Variants in NTNG2 observed in about 807,000 individuals in gnomAD.
NTNG2 encodes the protein netrin-G2.
In NTNG2, 15 loss-of-function variants were observed where a neutral mutation model predicts 47.6. The ratio of observed to expected loss-of-function variants is 0.32; its 90% CI spans 0.21 to 0.49. NTNG2 has a LOEUF of 0.49. Ranked by LOEUF, NTNG2 falls within the 20% of genes least tolerant of loss-of-function variation. NTNG2 has a pLI of 0.99. For synonymous variants in NTNG2, 307 were observed against 324.6 expected (o/e 0.95, Z 0.58); for missense variants, 578 against 764.6 (o/e 0.76, Z 2.88).
chr9:132,220,841 C>T (rs957378493), intron 3 of NTNG2, among the ~76,000 whole-genome samples: 9 of 152,258 alleles, frequency 5.9e-5, no homozygotes, highest in African/African-American at 2.2e-4. Context: ...CAACTTCATT[C>T]TTTTTACGTG....
intron 4 of NTNG2, among the ~76,000 whole-genome samples, chr9:132,229,004 C>T (rs1221158544): frequency 1.3e-5 from 2 of 152,080 alleles, no homozygotes; most frequent in Admixed American, 6.5e-5. Flanking sequence ...GTCTAGCCAG[C>T]GATGGATAGA....
At chr9:132,230,659 G>A (rs1211696658) in intron 5 of NTNG2, 64 bp downstream of exon 5, 8 of 1,555,720 alleles carry the variant, frequency 5.1e-6, no homozygotes, top group Non-Finnish European at 7.0e-6. Flanking sequence ...GCATGTCCTG[G>A]AAAAAGCTGG....
chr9:132,202,705 A>G (rs912816810), intron 3 of NTNG2, among the ~76,000 whole-genome samples: 1 of 152,208 alleles, frequency 6.6e-6, no homozygotes, highest in African/African-American at 2.4e-5. Flanking sequence ...CACAACCATT[A>G]AGAGAAGCGG....
chr9:132,178,623 G>A (rs980153821), intron 2 of NTNG2, among the ~76,000 whole-genome samples: 1 of 151,758 alleles, frequency 6.6e-6, no homozygotes, highest in Non-Finnish European at 1.5e-5. Context: ...AGGAAGTCCT[G>A]GGCTCCTGTG....
intron 2 of NTNG2, among the ~76,000 whole-genome samples, chr9:132,194,066 A>G (rs1316172402): frequency 6.6e-6 from 1 of 152,204 alleles, no homozygotes; most frequent in Non-Finnish European, 1.5e-5. Flanking sequence ...ATCTGTCTCC[A>G]AATACAGTCC....
At chr9:132,175,945 G>A (rs1319370417) in intron 2 of NTNG2, among the ~76,000 whole-genome samples, 1 of 152,170 alleles carries the variant, frequency 6.6e-6, no homozygotes, top group Non-Finnish European at 1.5e-5. Context: ...TGCAGACAGA[G>A]GGGTCCTAGA....
chr9:132,230,751 C>T (rs1441944226), intron 5 of NTNG2, among the ~76,000 whole-genome samples, 156 bp downstream of exon 5: 6 of 151,864 alleles, frequency 4.0e-5, no homozygotes, highest in Non-Finnish European at 8.8e-5. Flanking sequence ...TCTGCTTCTC[C>T]ACCTCTCCCC....
intron 2 of NTNG2, among the ~76,000 whole-genome samples, chr9:132,195,370 G>A (rs1323303126): frequency 2.0e-5 from 3 of 151,868 alleles, no homozygotes; most frequent in Admixed American, 6.6e-5. Flanking sequence ...GCGCAGTGGC[G>A]CGATCTCGGC....
chr9:132,180,190 A>T lies in NTNG2; in HGVS notation c.213+13146A>T, dbSNP rs1198314758. Among the ~76,000 whole-genome samples the T allele has an allele frequency of 2.6e-5, 4 of 152,218 alleles. No homozygotes were observed. The highest frequency in any genetic ancestry group is 9.6e-5 in the African/African-American group (4 of 41,462). On this transcript the variant is annotated intron_variant, in intron 2 of 7. Coordinates refer to ENST00000393229, the MANE Select transcript of NTNG2 (RefSeq NM_032536.4). This position sits in a 1 kb window ranked among gnomAD's most constrained non-coding sequence, Gnocchi z 4.2. ...ACTCCAAGAGTCGGCTGGGGAAATA[A>T]AAGGAAATGAAACACGACCAGGCAT...
At chr9:132,185,876 GGGA>G (rs894207036) in intron 2 of NTNG2, among the ~76,000 whole-genome samples, 8 of 147,174 alleles carry the variant, frequency 5.4e-5, no homozygotes, top group Non-Finnish European at 1.0e-4. Flanking sequence ...GAGGAGGAGT[GGGA>G]GGAGGAGGAG....
chr9:132,221,722 C>T lies in NTNG2; in HGVS notation c.858-5127C>T, dbSNP rs898328536. On this transcript the variant is annotated intron_variant, in intron 3 of 7. Coordinates refer to ENST00000393229, the MANE Select transcript of NTNG2 (RefSeq NM_032536.4). The surrounding 1 kb of genome is among the most constrained non-coding windows in gnomAD (Gnocchi z 4.2). The stretch of plus-strand genomic sequence containing the variant: ...CTGGGCAGAGCCAGCTGGGGAGGGA[C>T]GTCTGGATTTGGGTCAGGAGAAACC... 4.6e-5 allele frequency among the ~76,000 whole-genome samples: 7 copies of T among 152,148 alleles called. No homozygotes were observed. Among genetic ancestry groups the T allele is most frequent in the African/African-American group, 1.2e-4 (5 of 41,414 alleles).
At chr9:132,191,178 A>T (rs762834902) in intron 2 of NTNG2, among the ~76,000 whole-genome samples, 8 of 152,176 alleles carry the variant, frequency 5.3e-5, no homozygotes, top group Non-Finnish European at 1.2e-4. Context: ...CACTCAGTGA[A>T]TGTTACAATC....
intron 2 of NTNG2, among the ~76,000 whole-genome samples, chr9:132,177,989 T>C (rs879386687): frequency 6.6e-5 from 10 of 152,206 alleles, no homozygotes; most frequent in Non-Finnish European, 1.5e-4. Context: ...TCAAGCATTC[T>C]ATGTGCACTA....
At position 132,162,555 on chromosome 9, in the gene NTNG2, T is replaced by TGTGTGTGTGTGA. The variant is rs112179857; in HGVS notation, c.-484+317_-484+318insTGTGTGTGTGAG. 4.3e-5 allele frequency among the ~76,000 whole-genome samples: 6 copies of TGTGTGTGTGTGA among 139,374 alleles called. No individual in the cohort carries two copies. The highest frequency in any genetic ancestry group is 1.4e-4 in the Admixed American group (2 of 14,158). The allele number at this position is 139,374 out of a possible 152,430, so 91.4% of individuals were successfully genotyped here. On this transcript the variant is annotated intron_variant, in intron 1 of 7. Coordinates refer to ENST00000393229, the MANE Select transcript of NTNG2 (RefSeq NM_032536.4). This position sits in a 1 kb window ranked among gnomAD's most constrained non-coding sequence, Gnocchi z 4.6. ...GTGAGAGTGTGTGTGTGTGTGTGTG[T>TGTGTGTGTGTGA]GAGAGAGAGACAGAGTGTGTGTGTG...
chr9:132,235,737 C>T (rs993001981), intron 5 of NTNG2, among the ~76,000 whole-genome samples: 4 of 152,212 alleles, frequency 2.6e-5, no homozygotes, highest in Non-Finnish European at 5.9e-5. Flanking sequence ...GGGGCAAGGC[C>T]TGTGATGGGC....
chr9:132,230,673 GAA>G, intron 5 of NTNG2, 78 bp downstream of exon 5: 1 of 1,460,234 alleles, frequency 6.8e-7, no homozygotes, highest in African/African-American at 1.4e-5. Flanking sequence ...AAGCTGGAGA[GAA>G]AAAAGGGGCT....
At chr9:132,192,468 G>A (rs1277674454) in intron 2 of NTNG2, among the ~76,000 whole-genome samples, 3 of 152,204 alleles carry the variant, frequency 2.0e-5, no homozygotes, top group Non-Finnish European at 2.9e-5. Context: ...GCGCACGCCT[G>A]TAGTCCCAGC....
At chr9:132,237,720 G>A (rs1841729461) in intron 5 of NTNG2, among the ~76,000 whole-genome samples, 1 of 152,226 alleles carries the variant, frequency 6.6e-6, no homozygotes, top group African/African-American at 2.4e-5. Context: ...GTATGAGTCA[G>A]AAGCCAACTT....
Position 132,239,143 on chromosome 9 carries a change from T to C in NTNG2, c.1094T>C (p.Ile365Thr). The C allele has an allele frequency of 6.2e-7, 1 of 1,613,944 alleles. No individual in the cohort carries two copies. The highest frequency in any genetic ancestry group is 8.5e-7 in the Non-Finnish European group (1 of 1,179,928). ...GGTCACTCCAACCGCTGCAGCTACA[T>C]TGACTTCCTGAATGTGGTGACCTGC... ...CYGHSNRCSY[I>T]DFLNVVTCVS... Residue 365 changes from isoleucine (I) to threonine (T), a missense_variant, in exon 6 of 8, where the codon ATT (isoleucine) becomes ACT (threonine). Physicochemically the swap from Ile to Thr is moderately conservative, Grantham distance 89. Coordinates refer to ENST00000393229, the MANE Select transcript of NTNG2 (RefSeq NM_032536.4).
Sources: gnomAD v4.1 joint callset for allele counts (sites outside exome capture counted in the v4.1 genomes callset) on GRCh38, gnomAD v4.1.1 for gene constraint, Gnocchi (gnomAD v3.1) non-coding constraint, MANE v1.5 for transcripts, NCBI Gene and HGNC (gene_info 2026-07-23, HGNC 2026-07-21) for gene names.